NBAS: variants seen among roughly 807,000 people sequenced by gnomAD.
NBAS encodes NAG/BC035112 fusion.
A neutral mutation model predicts 302.5 loss-of-function variants in NBAS; 219 were observed. The ratio of observed to expected loss-of-function variants is 0.72; its 90% CI spans 0.65 to 0.81. The LOEUF (loss-of-function observed/expected upper bound fraction) is 0.81. NBAS is among the 30% of genes least tolerant of loss of function. The probability of loss-of-function intolerance (pLI) is 0.00; values close to 1 mark genes in which losing one functional copy is unlikely to be tolerated. For missense variants in NBAS, 2,932 were observed against 2,841.6 expected, an observed-to-expected ratio of 1.03 and a Z score of -0.72; for synonymous variants, 1,118 against 1,021.6, an observed-to-expected ratio of 1.09 and a Z score of -1.80.
the NBAS span, among the ~76,000 whole-genome samples, chr2:15,079,135 T>A: frequency 6.6e-6 from 1 of 152,096 alleles, no homozygotes; most frequent in South Asian, 2.1e-4. Context: ...AAAATCTGAC[T>A]ATAAAACTCT....
the NBAS span, among the ~76,000 whole-genome samples, chr2:15,034,040 G>A: frequency 0.05 from 2,873 of 57,534 alleles, 128 homozygotes; most frequent in Middle Eastern, 0.11. Flanking sequence ...GAGGAGGAAG[G>A]AGGAGGAGGA....
chr2:15,362,637 T>C (rs1186699668), intron 32 of NBAS, among the ~76,000 whole-genome samples: 2 of 152,340 alleles, frequency 1.3e-5, no homozygotes, highest in South Asian at 2.1e-4. Context: ...TTCTCTATAA[T>C]AAATGCACCT....
the NBAS span, among the ~76,000 whole-genome samples, chr2:15,157,788 G>A: frequency 8.4e-3 from 1,285 of 152,304 alleles, 15 homozygotes; most frequent in East Asian, 0.044. Flanking sequence ...GGAAATGCCC[G>A]GCTCTCATTC....
the NBAS span, among the ~76,000 whole-genome samples, chr2:15,026,531 TC>T: frequency 6.7e-6 from 1 of 150,012 alleles, no homozygotes; most frequent in South Asian, 2.1e-4. Flanking sequence ...GTGGTTTTTG[TC>T]TTTAATTCCA....
chr2:14,958,181 C>T, the NBAS span, among the ~76,000 whole-genome samples: 1 of 152,202 alleles, frequency 6.6e-6, no homozygotes, highest in Non-Finnish European at 1.5e-5. Context: ...TTGAAATTAA[C>T]ATTTTACTGG....
At chr2:15,214,882 A>G (rs1272648548) in intron 48 of NBAS, among the ~76,000 whole-genome samples, 4 of 152,324 alleles carry the variant, frequency 2.6e-5, no homozygotes, top group South Asian at 2.1e-4. Flanking sequence ...ATTGTCTTAA[A>G]CTAATTCTTT....
intron 48 of NBAS, among the ~76,000 whole-genome samples, chr2:15,199,126 C>CAAAA (rs71400641): frequency 2.9e-4 from 22 of 75,094 alleles, no homozygotes; most frequent in East Asian, 1.1e-3. Flanking sequence ...GACTCCATCT[C>CAAAA]AAAAAAAAAA....
chr2:15,438,530 T>C (rs996103324), intron 21 of NBAS, among the ~76,000 whole-genome samples: 1 of 151,728 alleles, frequency 6.6e-6, no homozygotes, highest in Non-Finnish European at 1.5e-5. Context: ...ACAACAAAAA[T>C]AGACAGCAGG....
chr2:15,142,675 C>G, the NBAS span, among the ~76,000 whole-genome samples: 2 of 152,166 alleles, frequency 1.3e-5, no homozygotes, highest in Admixed American at 6.5e-5. Context: ...GCTATTTCCA[C>G]GGTGCCGGCT....
intron 21 of NBAS, among the ~76,000 whole-genome samples, chr2:15,434,441 C>T (rs978473386): frequency 4.6e-5 from 7 of 152,032 alleles, no homozygotes; most frequent in Non-Finnish European, 7.4e-5. Flanking sequence ...AAGAAAGTCA[C>T]CAGGAAAGAA....
At chr2:14,812,195 G>A in the NBAS span, among the ~76,000 whole-genome samples, 1 of 152,132 alleles carries the variant, frequency 6.6e-6, no homozygotes, top group African/African-American at 2.4e-5. Context: ...GTGGTTAGTT[G>A]GGCTTTCTCA....
At chr2:15,039,897 C>G in the NBAS span, among the ~76,000 whole-genome samples, 1 of 152,214 alleles carries the variant, frequency 6.6e-6, no homozygotes. Context: ...GGGGATGTCT[C>G]TGCACTAAAT....
chr2:15,061,640 G>A, the NBAS span, among the ~76,000 whole-genome samples: 1 of 152,154 alleles, frequency 6.6e-6, no homozygotes, highest in African/African-American at 2.4e-5. Flanking sequence ...AATTCATCAA[G>A]CGGGAGTAAC....
chr2:15,421,252 A>G (rs1677199752), intron 23 of NBAS, among the ~76,000 whole-genome samples: 2 of 152,256 alleles, frequency 1.3e-5, no homozygotes, highest in African/African-American at 4.8e-5. Context: ...ACAGTACATC[A>G]GCAATTTGTA....
chr2:15,120,360 T>C, the NBAS span, among the ~76,000 whole-genome samples: 1 of 152,070 alleles, frequency 6.6e-6, no homozygotes, highest in African/African-American at 2.4e-5. Flanking sequence ...CCAAAGAAAC[T>C]GATGTTCAGA....
intron 40 of NBAS, among the ~76,000 whole-genome samples, chr2:15,299,559 T>TA (rs1232271668): frequency 2.0e-5 from 3 of 152,156 alleles, no homozygotes; most frequent in African/African-American, 7.2e-5. Flanking sequence ...ATTAGTAGCT[T>TA]AAAAAAACGC....
the NBAS span, among the ~76,000 whole-genome samples, chr2:14,804,728 C>A: frequency 6.6e-6 from 1 of 152,132 alleles, no homozygotes; most frequent in African/African-American, 2.4e-5. Context: ...CAGAGATTTT[C>A]TGCACAGTGT....
chr2:15,187,985 C>A (rs1211292939), intron 49 of NBAS, among the ~76,000 whole-genome samples: 4 of 152,200 alleles, frequency 2.6e-5, no homozygotes, highest in Non-Finnish European at 5.9e-5. Context: ...TTCCTACACT[C>A]AAGGACTTCC....
At chr2:15,454,109 T>A (rs115190363) in intron 21 of NBAS, among the ~76,000 whole-genome samples, 73 of 152,246 alleles carry the variant, frequency 4.8e-4, no homozygotes, top group Non-Finnish European at 9.4e-4. Context: ...GCGAGAAGAA[T>A]CAACAGAGAT....
Sources: gnomAD v4.1 joint callset for allele counts (sites outside exome capture counted in the v4.1 genomes callset) on GRCh38, gnomAD v4.1.1 for gene constraint, MANE v1.5 for transcripts, NCBI Gene and HGNC (gene_info 2026-07-23, HGNC 2026-07-21) for gene names.